ARPC2: variants seen among roughly 807,000 people sequenced by gnomAD.
ARPC2 encodes actin related protein 2/3 complex subunit 2.
A neutral mutation model predicts 38.6 loss-of-function variants in ARPC2; 4 were observed. The observed-to-expected ratio is 0.10, with a 90% confidence interval of 0.05 to 0.24. The LOEUF (loss-of-function observed/expected upper bound fraction) is 0.24, where lower values mean the gene tolerates loss of function less well. ARPC2 is among the 10% of genes least tolerant of loss of function. The pLI is 1.00. For synonymous variants in ARPC2, 125 were observed against 140.8 expected (o/e 0.89, Z 0.79); for missense variants, 229 against 387.3 (o/e 0.59, Z 3.43).
Position 218,238,683 on chromosome 2 carries a change from A to G in ARPC2, c.288A>G (p.Leu96=). 1 of 1,595,888 alleles carries G rather than the reference A, an allele frequency of 6.3e-7. No individual in the cohort carries two copies. Among genetic ancestry groups the G allele is most frequent in the Non-Finnish European group, 8.5e-7 (1 of 1,174,424 alleles). ...CTCCAGGATACAATGTCTCTTTGCTATATGACCTTGAAAATCTTCCGGCAT... is the reference window on the plus strand; with the variant it reads ...CTCCAGGATACAATGTCTCTTTGCTGTATGACCTTGAAAATCTTCCGGCAT... ...NPESGYNVSL[L]YDLENLPASK... is the part of the protein sequence containing the mutation. Residue 96 remains leucine, a synonymous_variant, in exon 6 of 11, where the codon CTA becomes CTG. Transcript: ENST00000315717.
At chr2:218,245,311 G>A (rs981951300) in intron 7 of ARPC2, 109 bp from the exon 8 acceptor site, 60 of 1,385,934 alleles carry the variant, frequency 4.3e-5, no homozygotes, top group Non-Finnish European at 5.7e-5. Context: ...ACCTCCTGCT[G>A]GTCTGGAGGG....
chr2:218,252,077 G>A (rs1553650564), intron 10 of ARPC2, among the ~76,000 whole-genome samples: 2 of 152,126 alleles, frequency 1.3e-5, no homozygotes, highest in Non-Finnish European at 2.9e-5. Flanking sequence ...TACAGAATTA[G>A]CTAGGCATGG....
chr2:218,246,211 T>C (rs913952575), intron 8 of ARPC2, among the ~76,000 whole-genome samples: 5 of 149,786 alleles, frequency 3.3e-5, no homozygotes, highest in African/African-American at 1.2e-4. Context: ...AACAAGACTC[T>C]TGTCTCCAAA....
At chr2:218,235,627 C>G (rs573895668) in intron 5 of ARPC2, 1 of 152,046 alleles carries the variant, frequency 6.6e-6, no homozygotes, top group Non-Finnish European at 1.5e-5. Flanking sequence ...AGATCTAGAA[C>G]AGAAAAATCA....
chr2:218,247,229 G>A (rs550967323), intron 8 of ARPC2, among the ~76,000 whole-genome samples: 13 of 152,316 alleles, frequency 8.5e-5, no homozygotes, highest in East Asian at 3.9e-4. Context: ...AGCTCCAGCC[G>A]TGATCCACTT....
intron 1 of ARPC2, 75 bp from the exon 2 acceptor site, chr2:218,217,388 G>A: frequency 1.4e-6 from 2 of 1,411,208 alleles, no homozygotes; most frequent in Non-Finnish European, 2.0e-6. Flanking sequence ...TCAGGGGGCA[G>A]CAGGGCCGCT....
At chr2:218,239,518 A>T (rs759997519) in intron 7 of ARPC2, 34 bp downstream of exon 7, 8 of 1,518,634 alleles carry the variant, frequency 5.3e-6, no homozygotes. Context: ...AAACCCATGC[A>T]TGGCGACTTA....
At chr2:218,227,010 AGGAAT>A (rs1447380694) in intron 3 of ARPC2, 1 of 456,702 alleles carries the variant, frequency 2.2e-6, no homozygotes. Context: ...ATGAACTCAG[AGGAAT>A]ACAACCACCC....
Position 218,254,233 on chromosome 2 carries a change from A to G in ARPC2, c.*318A>G, listed in dbSNP as rs1023934766. The G allele has an allele frequency of 1.3e-5, 4 of 316,490 alleles. No homozygotes were observed. The highest frequency in any genetic ancestry group is 8.6e-5 in the African/African-American group (4 of 46,466). 19.6% of individuals were successfully genotyped at this position (316,490 alleles called of 1,614,324 possible). On this transcript the variant is annotated 3_prime_UTR_variant, in exon 11 of 11. Transcript: ENST00000315717. ...TTCGCTTTGCAATATATTACTGGTA[A>G]TGAGTTGCAGGATAATGCAGTCATA...
At chr2:218,234,507 C>A (rs1689720933) in intron 5 of ARPC2, 110 bp downstream of exon 5, 2 of 895,970 alleles carry the variant, frequency 2.2e-6, no homozygotes, top group Non-Finnish European at 3.4e-6. Flanking sequence ...ACAAATATTT[C>A]TGCATGAGCC....
intron 3 of ARPC2, among the ~76,000 whole-genome samples, 157 bp downstream of exon 3, chr2:218,226,111 A>G (rs1030213042): frequency 1.3e-5 from 2 of 151,902 alleles, no homozygotes; most frequent in Admixed American, 6.6e-5. Context: ...CCTGGCAAAC[A>G]TGGTGAAACC....
chr2:218,253,235 C>T (rs1329931460), intron 10 of ARPC2, among the ~76,000 whole-genome samples: 3 of 152,212 alleles, frequency 2.0e-5, no homozygotes, highest in Non-Finnish European at 4.4e-5. Flanking sequence ...TCAGCTCTAG[C>T]TTCCAGGCTG....
intron 4 of ARPC2, among the ~76,000 whole-genome samples, chr2:218,232,202 C>T (rs774082118): frequency 5.5e-4 from 84 of 152,182 alleles, no homozygotes; most frequent in Non-Finnish European, 9.4e-4. Context: ...GATCACGCCA[C>T]TGCACTCCAG....
chr2:218,231,641 A>G (rs1365927510), intron 4 of ARPC2, among the ~76,000 whole-genome samples: 3 of 152,142 alleles, frequency 2.0e-5, no homozygotes, highest in African/African-American at 4.8e-5. Flanking sequence ...CCCTCCTCTC[A>G]ATTCCTCTTC....
At chr2:218,234,628 C>A in intron 5 of ARPC2, 2 of 550,156 alleles carry the variant, frequency 3.6e-6, no homozygotes, top group Non-Finnish European at 6.5e-6. Flanking sequence ...TTAACATTTA[C>A]TTGATGGGGC....
rs368002594 is a variant in ARPC2, at chr2:218,246,562, G to A, written c.676+1016G>A. Among the ~76,000 whole-genome samples, 691 of 151,918 alleles carry A rather than the reference G, an allele frequency of 4.5e-3. 9 individuals are homozygous for A. The highest frequency in any genetic ancestry group is 0.015 in the African/African-American group (637 of 41,464). ...AAAAAGAAAAGAGTAAAGGATAGGC[G>A]GGGCACAGTGGCTCATACCTGTAAT... On this transcript the variant is annotated intron_variant, in intron 8 of 10. Coordinates refer to ENST00000315717, the MANE Select transcript of ARPC2 (RefSeq NM_152862.3).
At chr2:218,249,579 TA>T (rs1475752964) in intron 9 of ARPC2, 115 bp downstream of exon 9, 5 of 882,630 alleles carry the variant, frequency 5.7e-6, no homozygotes, top group Non-Finnish European at 8.6e-6. Flanking sequence ...CTTAGGTAAA[TA>T]ATTCTAGAGG....
rs1690255763 is a variant in ARPC2, at chr2:218,253,947, A to G, written c.*32A>G. 6.2e-7 allele frequency: 1 copy of G among 1,613,714 alleles called. No individual in the cohort carries two copies. The highest frequency in any genetic ancestry group is 8.5e-7 in the Non-Finnish European group (1 of 1,179,770). ...GAATAAGAGGAGGAAGCGGCTGGCA[A>G]CTGAAGGCTGGAACACTTGCTACTG... On this transcript the variant is annotated 3_prime_UTR_variant, in exon 11 of 11. Coordinates refer to ENST00000315717, the MANE Select transcript of ARPC2 (RefSeq NM_152862.3).
At position 218,237,679 on chromosome 2, in the gene ARPC2, G is replaced by A. The variant is rs190678392; in HGVS notation, c.269-985G>A. 6.9e-3 allele frequency among the ~76,000 whole-genome samples: 1,052 copies of A among 151,484 alleles called. 6 individuals carry two copies. The highest frequency in any genetic ancestry group is 0.011 in the Non-Finnish European group (752 of 67,928). ...CCTCCTGGGTTCAAGCAATTCTCCT[G>A]CCTCAGCCTCCCAAGTAGCTAGGAT... On this transcript the variant is annotated intron_variant, in intron 5 of 10. Transcript: ENST00000315717.
Sources: gnomAD v4.1 joint callset for allele counts (sites outside exome capture counted in the v4.1 genomes callset) on GRCh38, gnomAD v4.1.1 for gene constraint, MANE v1.5 for transcripts, NCBI Gene and HGNC (gene_info 2026-07-23, HGNC 2026-07-21) for gene names.